COL13A1: variants seen among roughly 807,000 people sequenced by gnomAD.
COL13A1 encodes the protein collagen alpha-1(XIII) chain.
COL13A1 carries 89 observed loss-of-function variants against 130.9 expected under a neutral mutation model. That is an observed-to-expected ratio of 0.68 (90% CI 0.57 to 0.81). COL13A1 has a LOEUF of 0.81. Among genes scored for constraint, COL13A1 ranks in the 30% least tolerant of loss-of-function variants. COL13A1 has a pLI of 0.00. For synonymous variants in COL13A1, 402 were observed against 341.6 expected (o/e 1.18, Z -1.95); for missense variants, 879 against 934.6 (o/e 0.94, Z 0.78).
intron 2 of COL13A1, among the ~76,000 whole-genome samples, chr10:69,825,626 G>T (rs75562408): frequency 6.6e-6 from 1 of 152,262 alleles, no homozygotes; most frequent in Admixed American, 6.5e-5. Context: ...TGCCCACTGC[G>T]GTTGCTGAGA....
intron 10 of COL13A1, among the ~76,000 whole-genome samples, chr10:69,892,600 C>T (rs1401186220): frequency 2.0e-5 from 3 of 152,128 alleles, no homozygotes; most frequent in Admixed American, 6.5e-5. Context: ...GCTTGGCACC[C>T]GAGAAGCAGA....
intron 17 of COL13A1, among the ~76,000 whole-genome samples, chr10:69,907,826 G>A (rs866007459): frequency 1.7e-4 from 26 of 152,256 alleles, no homozygotes; most frequent in African/African-American, 5.1e-4. Flanking sequence ...TAACTAACCC[G>A]TGATAACTAT....
intron 28 of COL13A1, 88 bp downstream of exon 28, chr10:69,929,087 C>T (rs557002125): frequency 5.8e-4 from 583 of 1,013,096 alleles, no homozygotes; most frequent in Admixed American, 8.6e-4. Context: ...TCTCATCTTC[C>T]CAGCACTACC....
intron 3 of COL13A1, 147 bp from the exon 4 acceptor site, chr10:69,872,037 A>G: frequency 6.7e-6 from 6 of 891,236 alleles, no homozygotes; most frequent in Non-Finnish European, 1.1e-5. Context: ...AGCCTTAGCG[A>G]TCAAGGCTCC....
chr10:69,874,315 C>T (rs1272172741), intron 4 of COL13A1, among the ~76,000 whole-genome samples: 3 of 152,196 alleles, frequency 2.0e-5, no homozygotes, highest in African/African-American at 4.8e-5. Flanking sequence ...GCAGGCTGGA[C>T]AAACCACCTG....
intron 2 of COL13A1, among the ~76,000 whole-genome samples, chr10:69,846,105 T>C (rs769234401): frequency 2.0e-5 from 3 of 152,180 alleles, no homozygotes; most frequent in African/African-American, 4.8e-5. Context: ...ATGCCGGAAA[T>C]AAACTTTTAT....
At chr10:69,878,408 C>T (rs2059818503) in intron 6 of COL13A1, among the ~76,000 whole-genome samples, 1 of 152,174 alleles carries the variant, frequency 6.6e-6, no homozygotes, top group African/African-American at 2.4e-5. Flanking sequence ...TAGAGCCCCC[C>T]TGGGAAGTCA....
chr10:69,866,141 T>A (rs1307877581), intron 2 of COL13A1, among the ~76,000 whole-genome samples: 1 of 152,208 alleles, frequency 6.6e-6, no homozygotes, highest in Non-Finnish European at 1.5e-5. Context: ...AAACTGCTCC[T>A]CCTGCTACCC....
At chr10:69,926,061 G>A in intron 26 of COL13A1, 189 bp downstream of exon 26, 1 of 563,750 alleles carries the variant, frequency 1.8e-6, no homozygotes, top group Non-Finnish European at 3.1e-6. Context: ...CCTGGGAAAT[G>A]GCCCCATTAC....
chr10:69,886,686 C>T (rs2060624533), intron 7 of COL13A1, among the ~76,000 whole-genome samples: 1 of 152,156 alleles, frequency 6.6e-6, no homozygotes. Context: ...CACCCCTGAC[C>T]ACCTGGCCAT....
chr10:69,905,106 C>A, intron 16 of COL13A1, 147 bp downstream of exon 16: 1 of 903,356 alleles, frequency 1.1e-6, no homozygotes, highest in Non-Finnish European at 1.7e-6. Flanking sequence ...TACAAAACAC[C>A]ACCCTTCTCA....
chr10:69,908,542 G>A (rs948598136), intron 17 of COL13A1, among the ~76,000 whole-genome samples: 1 of 152,334 alleles, frequency 6.6e-6, no homozygotes, highest in Admixed American at 6.5e-5. Flanking sequence ...TACCATGACA[G>A]GTGTCTGCAT....
At chr10:69,879,674 T>C (rs1006134154) in intron 6 of COL13A1, among the ~76,000 whole-genome samples, 1 of 152,204 alleles carries the variant, frequency 6.6e-6, no homozygotes, top group African/African-American at 2.4e-5. Flanking sequence ...AGGAGGTATG[T>C]GGGCTCAGAG....
intron 14 of COL13A1, 137 bp from the exon 15 acceptor site, chr10:69,902,611 C>A: frequency 1.6e-6 from 1 of 624,236 alleles, no homozygotes; most frequent in South Asian, 2.3e-5. Context: ...ACCATCATGC[C>A]ACCGCTTCCT....
intron 35 of COL13A1, among the ~76,000 whole-genome samples, chr10:69,942,951 G>A (rs964324228): frequency 6.6e-5 from 10 of 152,334 alleles, no homozygotes; most frequent in Middle Eastern, 3.4e-3. Context: ...GGTTTCAAGC[G>A]ATTCTCCTGC....
chr10:69,905,893 C>A, intron 17 of COL13A1, 71 bp downstream of exon 17: 1 of 1,534,470 alleles, frequency 6.5e-7, no homozygotes, highest in Non-Finnish European at 8.9e-7. Flanking sequence ...GACCTCAGAC[C>A]CAAGAGGGTC....
intron 25 of COL13A1, among the ~76,000 whole-genome samples, chr10:69,925,457 T>C (rs2065222217): frequency 6.6e-6 from 1 of 152,126 alleles, no homozygotes; most frequent in Non-Finnish European, 1.5e-5. Flanking sequence ...TGAACTGGGG[T>C]CCCAAGTTTT....
At chr10:69,816,266 G>A (rs757558587) in intron 1 of COL13A1, among the ~76,000 whole-genome samples, 22 of 149,120 alleles carry the variant, frequency 1.5e-4, no homozygotes, top group Non-Finnish European at 2.4e-4. Flanking sequence ...CTAATGGAAT[G>A]GGTGTAGGGT....
Position 69,937,642 on chromosome 10 carries a change from C to T in COL13A1, c.1805C>T (p.Ala602Val). Residue 602 changes from alanine to valine, a missense_variant, in exon 34 of 41, where the codon GCA becomes GTA. Coordinates refer to ENST00000645393, the MANE Select transcript of COL13A1 (RefSeq NM_001368882.1). ...CCTCTCCCTTTCCTCCAGGGGGAAGCAGGACTAGATGGAGCAAAAGGAGAG... is the reference window on the plus strand; with the variant it reads ...CCTCTCCCTTTCCTCCAGGGGGAAGTAGGACTAGATGGAGCAAAAGGAGAG... Reference protein sequence around the residue: ...LQGVPGPKGEAGLDGAKGEKG... With the variant: ...LQGVPGPKGEVGLDGAKGEKG... 1 of 1,517,250 alleles carries T rather than the reference C, an allele frequency of 6.6e-7. No individual in the cohort carries two copies. Among genetic ancestry groups the T allele is most frequent in the Non-Finnish European group, 9.2e-7 (1 of 1,091,806 alleles). The allele number at this position is 1,517,250 out of a possible 1,614,324, so 94.0% of individuals were successfully genotyped here.
Sources: gnomAD v4.1 joint callset for allele counts (sites outside exome capture counted in the v4.1 genomes callset) on GRCh38, gnomAD v4.1.1 for gene constraint, MANE v1.5 for transcripts, NCBI Gene and HGNC (gene_info 2026-07-23, HGNC 2026-07-21) for gene names.